DGKH: variants seen among roughly 807,000 people sequenced by gnomAD.
DGKH encodes the protein diacylglycerol kinase eta, also known as DAG kinase eta.
In DGKH, 90 loss-of-function variants were observed where a neutral mutation model predicts 159.3. That is an observed-to-expected ratio of 0.57 (90% CI 0.48 to 0.67). The LOEUF (loss-of-function observed/expected upper bound fraction) is 0.67, where lower values mean the gene tolerates loss of function less well. Among genes scored for constraint, DGKH ranks in the 30% least tolerant of loss-of-function variants. DGKH has a pLI of 0.00. For synonymous variants in DGKH, 536 were observed against 553.8 expected, an observed-to-expected ratio of 0.97 and a Z score of 0.45; for missense variants, 1,181 against 1,506.1, an observed-to-expected ratio of 0.78 and a Z score of 3.57.
At chr13:42,091,948 A>AC (rs1361835381) in intron 1 of DGKH, among the ~76,000 whole-genome samples, 1 of 152,182 alleles carries the variant, frequency 6.6e-6, no homozygotes, top group African/African-American at 2.4e-5. Flanking sequence ...GTTGGATCAT[A>AC]TGGTAGTTCT....
At chr13:42,255,654 A>G (rs185884589) in intron 30 of DGKH, among the ~76,000 whole-genome samples, 36 of 152,346 alleles carry the variant, frequency 2.4e-4, no homozygotes, top group African/African-American at 7.2e-4. Flanking sequence ...TGGAATAATT[A>G]GATGCTCATA....
intron 3 of DGKH, among the ~76,000 whole-genome samples, chr13:42,149,844 T>C (rs1345561032): frequency 6.6e-6 from 1 of 152,224 alleles, no homozygotes; most frequent in Non-Finnish European, 1.5e-5. Context: ...GATAAACTTA[T>C]AAGGGAAAAC....
intron 3 of DGKH, among the ~76,000 whole-genome samples, chr13:42,135,507 A>AAAAAAAAAAAAAAAAAAAAAAAAAAAAT (rs71096557): frequency 8.8e-6 from 1 of 113,404 alleles, no homozygotes; most frequent in Non-Finnish European, 1.9e-5. Context: ...AAAAAAAAAA[A>AAAAAAAAAAAAAAAAAAAAAAAAAAAAT]AGAGAGAGAG....
chr13:42,207,062 C>CTTTCTTTCTTTCT lies in DGKH; in HGVS notation c.2601+918_2601+919insTCTTTCTTTCTTT, dbSNP rs1555276050. Reference sequence around the variant, plus strand: ...CTTTCCTTCTTTCCTTCTTTCCTTCCTTCTTTCTTTCTTTCTTTCTTTCTT... The same window carrying CTTTCTTTCTTTCT: ...CTTTCCTTCTTTCCTTCTTTCCTTCCTTTCTTTCTTTCTTTCTTTCTTTCTTTCTTTCTTTCTT... On this transcript the variant is annotated intron_variant, in intron 21 of 29. Transcript: ENST00000337343. Among the ~76,000 whole-genome samples, 370 of 65,368 alleles carry CTTTCTTTCTTTCT rather than the reference C, an allele frequency of 5.7e-3. 113 individuals are homozygous for CTTTCTTTCTTTCT. The highest frequency in any genetic ancestry group is 0.01 in the African/African-American group (140 of 13,972). 42.9% of individuals were successfully genotyped at this position (65,368 alleles called of 152,430 possible).
At position 42,235,353 on chromosome 13, in the gene DGKH, T is replaced by A. The variant is rs1486887371; in HGVS notation, c.*6165T>A. ...TTCACATAAAATATTTCATTTTAGCTACAAGTTATTCATTGCATAGGATTT... is the reference window on the plus strand; with the variant it reads ...TTCACATAAAATATTTCATTTTAGCAACAAGTTATTCATTGCATAGGATTT... On this transcript the variant is annotated 3_prime_UTR_variant, in exon 30 of 30. Coordinates refer to ENST00000337343, the MANE Select transcript of DGKH (RefSeq NM_178009.5). 1 of 152,186 alleles carries A rather than the reference T, an allele frequency of 6.6e-6. No homozygotes were observed. The highest frequency in any genetic ancestry group is 1.5e-5 in the Non-Finnish European group (1 of 67,994). 9.4% of individuals were successfully genotyped at this position (152,186 alleles called of 1,614,324 possible). A position where few individuals can be genotyped will look rare whatever the true frequency, so the allele number is the denominator to read the frequency against.
intron 1 of DGKH, among the ~76,000 whole-genome samples, chr13:42,109,677 T>C (rs1211840909): frequency 1.3e-5 from 2 of 152,138 alleles, no homozygotes; most frequent in East Asian, 1.9e-4. Flanking sequence ...TGTGCGTGTG[T>C]GTGTGTGTGT....
chr13:42,093,647 T>G (rs1487727155), intron 1 of DGKH, among the ~76,000 whole-genome samples: 1 of 152,172 alleles, frequency 6.6e-6, no homozygotes, highest in Non-Finnish European at 1.5e-5. Flanking sequence ...GAAAATGTGG[T>G]GTATACATAC....
intron 9 of DGKH, among the ~76,000 whole-genome samples, chr13:42,167,134 T>C (rs1193607680): frequency 1.3e-5 from 2 of 152,212 alleles, no homozygotes. Flanking sequence ...AATACTTTAT[T>C]GATGATTCTT....
intron 1 of DGKH, among the ~76,000 whole-genome samples, chr13:42,085,197 T>C (rs1425302567): frequency 6.6e-6 from 1 of 152,168 alleles, no homozygotes; most frequent in Non-Finnish European, 1.5e-5. Flanking sequence ...GCAGTCTTTA[T>C]AGGGCATGCG....
rs140231795 is a variant in DGKH, at chr13:42,103,774, T to G, written c.193-23689T>G. 3.7e-3 allele frequency among the ~76,000 whole-genome samples: 568 copies of G among 152,308 alleles called. 1 individual carries two copies. Among genetic ancestry groups the G allele is most frequent in the Middle Eastern group, 0.014 (4 of 294 alleles). ...CTAAAGCCAGGAATAGAGTCAGCAT[T>G]CCCTAAGCACATGACTTGGAGAGAA... On this transcript the variant is annotated intron_variant, in intron 1 of 29. Transcript: ENST00000337343.
intron 3 of DGKH, among the ~76,000 whole-genome samples, chr13:42,138,536 G>GTTGGATGAA (rs1955454970): frequency 6.6e-6 from 1 of 152,194 alleles, no homozygotes; most frequent in Non-Finnish European, 1.5e-5. Context: ...GAATGAATTA[G>GTTGGATGAA]TGACATTTGT....
At chr13:42,154,134 T>G (rs1371087511) in intron 3 of DGKH, among the ~76,000 whole-genome samples, 1 of 152,246 alleles carries the variant, frequency 6.6e-6, no homozygotes, top group African/African-American at 2.4e-5. Context: ...TTGTTTGTTT[T>G]AGAAGATTAT....
chr13:42,204,799 A>T (rs1039388805), intron 20 of DGKH, among the ~76,000 whole-genome samples: 4 of 152,178 alleles, frequency 2.6e-5, no homozygotes, highest in African/African-American at 7.2e-5. Context: ...TACTGAATAG[A>T]CATTAAAGAA....
chr13:42,172,069 C>T (rs1388518602), intron 11 of DGKH, among the ~76,000 whole-genome samples: 1 of 151,894 alleles, frequency 6.6e-6, no homozygotes, highest in African/African-American at 2.4e-5. Context: ...ACCTCGTGAT[C>T]CGCCCGCCTC....
At chr13:42,090,930 T>C (rs894925865) in intron 1 of DGKH, among the ~76,000 whole-genome samples, 2 of 152,066 alleles carry the variant, frequency 1.3e-5, no homozygotes, top group Admixed American at 6.5e-5. Flanking sequence ...GCGTTCCTTC[T>C]CTCTGGAGGA....
At chr13:42,055,425 A>G (rs942389215) in intron 1 of DGKH, among the ~76,000 whole-genome samples, 8 of 152,260 alleles carry the variant, frequency 5.3e-5, no homozygotes, top group African/African-American at 1.9e-4. Flanking sequence ...TTTGATTACA[A>G]GTTAAACATG....
chr13:42,168,807 A>C lies in DGKH; in HGVS notation c.1356A>C (p.Lys452Asn). 1 of 1,612,818 alleles carries C rather than the reference A, an allele frequency of 6.2e-7. No individual in the cohort carries two copies. Among genetic ancestry groups the C allele is most frequent in the South Asian group, 1.1e-5 (1 of 90,796 alleles). Residue 452 changes from lysine to asparagine, a missense_variant, in exon 11 of 30, where the codon AAA becomes AAC. Coordinates refer to ENST00000337343, the MANE Select transcript of DGKH (RefSeq NM_178009.5). ...ILEKLERAST[K>N]MLDRWSIMTY... Reference sequence around the variant, plus strand: ...AGAAACTGGAACGAGCCAGTACCAAAATGTTGGACAGGTAAAAGTAAATTC... The same window carrying C: ...AGAAACTGGAACGAGCCAGTACCAACATGTTGGACAGGTAAAAGTAAATTC...
chr13:42,255,056 G>A (rs551331097), intron 30 of DGKH, among the ~76,000 whole-genome samples: 21 of 151,326 alleles, frequency 1.4e-4, no homozygotes, highest in South Asian at 1.0e-3. Context: ...TTATTTTTGC[G>A]TGTTTCTTTT....
intron 1 of DGKH, chr13:42,070,229 C>A (rs768052193): frequency 7.4e-5 from 81 of 1,097,694 alleles, no homozygotes; most frequent in Non-Finnish European, 1.1e-4. Context: ...TTCAGTGCTT[C>A]GCGACTAATT....
Sources: allele counts gnomAD v4.1 joint callset (sites outside exome capture counted in the v4.1 genomes callset), GRCh38; gene constraint gnomAD v4.1.1; transcripts MANE v1.5; gene names NCBI Gene and HGNC (gene_info 2026-07-23, HGNC 2026-07-21).